Variants in CTNNA2 observed in about 807,000 individuals in gnomAD.
The protein encoded by CTNNA2 is catenin alpha-2.
Under a neutral mutation model 101.0 loss-of-function variants are expected in CTNNA2, and 42 were observed. That is an observed-to-expected ratio of 0.42 (90% CI 0.32 to 0.54). The LOEUF is 0.54. Ranked by LOEUF, CTNNA2 falls within the 20% of genes least tolerant of loss-of-function variation. The pLI, the probability that CTNNA2 is intolerant of heterozygous loss-of-function variation, is 0.14. For synonymous variants in CTNNA2, 450 were observed against 456.4 expected, an observed-to-expected ratio of 0.99 and a Z score of 0.18; for missense variants, 871 against 1,223.1, an observed-to-expected ratio of 0.71 and a Z score of 4.29.
intron 7 of CTNNA2, among the ~76,000 whole-genome samples, chr2:80,377,324 G>A (rs1213439437): frequency 2.6e-5 from 4 of 152,190 alleles, no homozygotes; most frequent in Non-Finnish European, 5.9e-5. Context: ...ATCACAAGAG[G>A]AAAAGATCAG....
intron 7 of CTNNA2, among the ~76,000 whole-genome samples, chr2:80,068,999 A>G (rs1698155844): frequency 6.6e-6 from 1 of 152,240 alleles, no homozygotes; most frequent in African/African-American, 2.4e-5. Flanking sequence ...GATATAGAAG[A>G]GGAGATTTAT....
At chr2:80,453,407 A>G (rs1008368746) in intron 9 of CTNNA2, among the ~76,000 whole-genome samples, 11 of 151,712 alleles carry the variant, frequency 7.3e-5, no homozygotes, top group Non-Finnish European at 1.5e-4. Flanking sequence ...TGTTACTGGT[A>G]CTGAACTTCA....
intron 7 of CTNNA2, among the ~76,000 whole-genome samples, chr2:80,236,804 CTA>C (rs1273944104): frequency 7.2e-5 from 11 of 152,258 alleles, no homozygotes; most frequent in Admixed American, 6.5e-4. Context: ...AACATTGTGG[CTA>C]ATCAGACACA....
In CTNNA2 at chr2:79,711,135, G is replaced by A. The variant is rs555605564; in HGVS notation, c.103-33252G>A. ...GCTTTGTGTAGCTGTAAAGTGGAATGATATCTCCAGCTTAGTTTTAACTTT... is the reference window on the plus strand; with the variant it reads ...GCTTTGTGTAGCTGTAAAGTGGAATAATATCTCCAGCTTAGTTTTAACTTT... On this transcript the variant is annotated intron_variant, in intron 2 of 18. Transcript: ENST00000402739. Among the ~76,000 whole-genome samples, 9 of 152,290 alleles carry A rather than the reference G, an allele frequency of 5.9e-5. No homozygotes were observed. In the South Asian group the frequency reaches 1.9e-3, roughly 32 times the overall value.
chr2:80,596,301 T>G (rs1696965390), intron 15 of CTNNA2, among the ~76,000 whole-genome samples: 1 of 63,920 alleles, frequency 1.6e-5, no homozygotes, highest in South Asian at 7.7e-4. Flanking sequence ...TTTTTTTTTT[T>G]TTTTTTTTTT....
intron 9 of CTNNA2, among the ~76,000 whole-genome samples, chr2:80,515,371 G>A (rs139545234): frequency 6.6e-6 from 1 of 152,132 alleles, no homozygotes; most frequent in Admixed American, 6.6e-5. Flanking sequence ...TAATGGGAGA[G>A]AACAGAAGAA....
intron 7 of CTNNA2, among the ~76,000 whole-genome samples, chr2:80,177,363 A>G (rs1705460158): frequency 6.6e-6 from 1 of 152,164 alleles, no homozygotes; most frequent in Admixed American, 6.5e-5. Flanking sequence ...CCTTTCCATG[A>G]TGGAAGAAGT....
chr2:80,578,576 T>TG (rs1268908312), intron 13 of CTNNA2, among the ~76,000 whole-genome samples: 2 of 152,212 alleles, frequency 1.3e-5, no homozygotes, highest in African/African-American at 4.8e-5. Context: ...AAACTGCACA[T>TG]GCACAGAACT....
At chr2:80,102,933 A>G (rs987143970) in intron 7 of CTNNA2, among the ~76,000 whole-genome samples, 2 of 152,196 alleles carry the variant, frequency 1.3e-5, no homozygotes, top group Admixed American at 1.3e-4. Flanking sequence ...GGGCAGACCT[A>G]GAGCAAATAC....
chr2:79,738,567 T>C (rs2104958455), intron 2 of CTNNA2, among the ~76,000 whole-genome samples: 1 of 152,324 alleles, frequency 6.6e-6, no homozygotes, highest in East Asian at 1.9e-4. Flanking sequence ...TGGACGGTAA[T>C]GTATGTTCCT....
chr2:79,211,498 G>A (rs554078919), intron 2 of CTNNA2, among the ~76,000 whole-genome samples: 28 of 152,272 alleles, frequency 1.8e-4, no homozygotes, highest in African/African-American at 6.7e-4. Flanking sequence ...GGTAGGTAAA[G>A]GAAAATTACA....
intron 13 of CTNNA2, chr2:80,575,024 C>T (rs892024782): frequency 2.0e-5 from 3 of 152,198 alleles, no homozygotes; most frequent in African/African-American, 7.2e-5. Flanking sequence ...TAGCTAACCT[C>T]ATTTTATTTA....
intron 2 of CTNNA2, among the ~76,000 whole-genome samples, chr2:79,715,571 G>A (rs1332747589): frequency 1.3e-5 from 2 of 152,080 alleles, no homozygotes; most frequent in African/African-American, 4.8e-5. Context: ...ATACATATAA[G>A]GGTAAGCAAT....
chr2:79,723,025 G>A (rs866060872), intron 2 of CTNNA2, among the ~76,000 whole-genome samples: 14 of 152,144 alleles, frequency 9.2e-5, no homozygotes, highest in African/African-American at 3.4e-4. Flanking sequence ...GGTGAAATAA[G>A]AAAGCGAAAG....
At chr2:80,165,166 T>C (rs1357750054) in intron 7 of CTNNA2, among the ~76,000 whole-genome samples, 1 of 151,982 alleles carries the variant, frequency 6.6e-6, no homozygotes, top group Non-Finnish European at 1.5e-5. Flanking sequence ...CTTCAGGACC[T>C]CAACTTACAG....
chr2:79,343,145 C>A (rs1211987726), intron 3 of CTNNA2, among the ~76,000 whole-genome samples: 1 of 151,722 alleles, frequency 6.6e-6, no homozygotes, highest in South Asian at 2.1e-4. Flanking sequence ...AATGAAGATA[C>A]AATAAATAAA....
chr2:79,822,415 T>C (rs1353003739), intron 3 of CTNNA2, among the ~76,000 whole-genome samples: 1 of 152,214 alleles, frequency 6.6e-6, no homozygotes, highest in Non-Finnish European at 1.5e-5. Flanking sequence ...TAAACAAATA[T>C]GAATATTTAT....
At chr2:79,857,932 A>AT in intron 3 of CTNNA2, 81 bp from the exon 4 acceptor site, 1 of 1,408,108 alleles carries the variant, frequency 7.1e-7, no homozygotes, top group Non-Finnish European at 9.8e-7. Flanking sequence ...AAAAACAGTA[A>AT]TTGTCCATTC....
intron 12 of CTNNA2, among the ~76,000 whole-genome samples, chr2:80,565,176 T>A (rs1693946077): frequency 6.6e-6 from 1 of 152,160 alleles, no homozygotes; most frequent in South Asian, 2.1e-4. Flanking sequence ...TTTGTTTTTA[T>A]TTTCTGGAAG....
Sources: allele counts gnomAD v4.1 joint callset (sites outside exome capture counted in the v4.1 genomes callset), GRCh38; gene constraint gnomAD v4.1.1; transcripts MANE v1.5; gene names NCBI Gene and HGNC (gene_info 2026-07-23, HGNC 2026-07-21).